The following FAXC variants were observed in gnomAD, a reference collection of about 807,000 sequenced individuals.
The protein encoded by FAXC is failed axon connections homolog.
FAXC carries 10 observed loss-of-function variants against 41.9 expected under a neutral mutation model. The observed-to-expected ratio is 0.24, with a 90% confidence interval of 0.15 to 0.41. FAXC has a LOEUF of 0.41. FAXC is among the 10% of genes least tolerant of loss of function. FAXC has a pLI of 1.00. For synonymous variants in FAXC, 183 were observed against 183.8 expected (o/e 1.00, Z 0.03); for missense variants, 399 against 510.9 (o/e 0.78, Z 2.11).
chr6:99,330,801 C>T (rs1162880470), intron 3 of FAXC, among the ~76,000 whole-genome samples: 1 of 152,188 alleles, frequency 6.6e-6, no homozygotes, highest in Non-Finnish European at 1.5e-5. Context: ...TATTTTCCTA[C>T]AAATTTTGGT....
intron 1 of FAXC, among the ~76,000 whole-genome samples, chr6:99,344,899 G>A (rs1302933642): frequency 6.6e-6 from 1 of 152,166 alleles, no homozygotes; most frequent in African/African-American, 2.4e-5. Context: ...CCATGTCATG[G>A]TAAGAATGGA....
In FAXC at chr6:99,271,863, A is replaced by G. The variant is rs761974311; in HGVS notation, c.*9301T>C. 1.3e-5 allele frequency: 2 copies of G among 152,200 alleles called. No individual in the cohort carries two copies. The highest frequency in any genetic ancestry group is 2.9e-5 in the Non-Finnish European group (2 of 68,030). 9.4% of individuals were successfully genotyped at this position (152,200 alleles called of 1,614,324 possible). On this transcript the variant is annotated 3_prime_UTR_variant, in exon 6 of 6. Coordinates refer to ENST00000389677, the MANE Select transcript of FAXC (RefSeq NM_032511.4). Reference sequence around the variant, plus strand: ...TATTATTTGACCAAAGATTTGGTCAAATTTTAAGATAGAATTTGAAACATC... The same window carrying G: ...TATTATTTGACCAAAGATTTGGTCAGATTTTAAGATAGAATTTGAAACATC...
intron 4 of FAXC, among the ~76,000 whole-genome samples, chr6:99,308,229 G>A (rs9986345): frequency 0.032 from 4,817 of 152,266 alleles, 259 homozygotes; most frequent in African/African-American, 0.11. Context: ...CCTGGGAGGC[G>A]GAGATTGCAG....
intron 5 of FAXC, 56 bp from the exon 6 acceptor site, chr6:99,281,509 T>C: frequency 7.3e-7 from 1 of 1,366,918 alleles, no homozygotes; most frequent in Admixed American, 1.8e-5. Flanking sequence ...GTCTACCACT[T>C]CTATGGTCTG....
At chr6:99,291,646 C>T (rs1227082909) in intron 5 of FAXC, 58 bp downstream of exon 5, 2 of 1,223,338 alleles carry the variant, frequency 1.6e-6, no homozygotes, top group Non-Finnish European at 2.4e-6. Context: ...ACTGTGCTAC[C>T]CCACTGCCCA....
At chr6:99,300,974 C>T (rs552990439) in intron 4 of FAXC, among the ~76,000 whole-genome samples, 1 of 152,248 alleles carries the variant, frequency 6.6e-6, no homozygotes, top group Non-Finnish European at 1.5e-5. Flanking sequence ...ACTCTGCAGG[C>T]AGACTCCACA....
At chr6:99,303,674 G>T (rs140680376) in intron 4 of FAXC, among the ~76,000 whole-genome samples, 1 of 152,250 alleles carries the variant, frequency 6.6e-6, no homozygotes, top group Non-Finnish European at 1.5e-5. Flanking sequence ...CAACAACATG[G>T]GAGAGCTATA....
chr6:99,297,966 T>C (rs1030758804), intron 4 of FAXC, among the ~76,000 whole-genome samples: 2 of 152,116 alleles, frequency 1.3e-5, no homozygotes, highest in African/African-American at 4.8e-5. Flanking sequence ...AGCACCTGAG[T>C]GTTAGTTAGA....
intron 1 of FAXC, among the ~76,000 whole-genome samples, chr6:99,344,661 C>T (rs1317155865): frequency 6.6e-6 from 1 of 152,068 alleles, no homozygotes; most frequent in Non-Finnish European, 1.5e-5. Flanking sequence ...ATGGAATGTT[C>T]GAGAAGTCAG....
chr6:99,285,240 A>G (rs963843825), intron 5 of FAXC, among the ~76,000 whole-genome samples: 2 of 152,230 alleles, frequency 1.3e-5, no homozygotes, highest in African/African-American at 4.8e-5. Flanking sequence ...ATGTAAAGAT[A>G]TATGTACATG....
At chr6:99,296,084 T>C (rs966700418) in intron 4 of FAXC, among the ~76,000 whole-genome samples, 2 of 152,232 alleles carry the variant, frequency 1.3e-5, no homozygotes, top group African/African-American at 2.4e-5. Context: ...TTTTATTCTA[T>C]AGGTTATAAT....
Position 99,333,553 on chromosome 6 carries a change from C to A in FAXC, c.403-6G>T. ...AGTTTTCCACCAAAATAGTTCTAAG[C>A]AGAGTACATTTTTAAAAAGAGAAAA... On this transcript the variant is annotated splice_region_variant and splice_polypyrimidine_tract_variant and intron_variant, in intron 2 of 5. Transcript: ENST00000389677. The A allele has an allele frequency of 6.3e-7, 1 of 1,581,584 alleles. No individual in the cohort carries two copies. The highest frequency in any genetic ancestry group is 2.2e-5 in the East Asian group (1 of 44,720).
chr6:99,277,634 G>A lies in FAXC; in HGVS notation c.*3530C>T, dbSNP rs1409024243. ...AGGCTGACAGGACATGGACAAAAGC[G>A]AAGTAGGATTCCAACCAGGGAATGG... On this transcript the variant is annotated 3_prime_UTR_variant, in exon 6 of 6. Transcript: ENST00000389677. 4 of 152,246 alleles carry A rather than the reference G, an allele frequency of 2.6e-5. No individual in the cohort carries two copies. The highest frequency in any genetic ancestry group is 1.9e-4 in the East Asian group (1 of 5,188). The allele number at this position is 152,246 out of a possible 1,614,324, so 9.4% of individuals were successfully genotyped here.
intron 4 of FAXC, among the ~76,000 whole-genome samples, chr6:99,308,610 CAA>C (rs200816136): frequency 8.6e-5 from 8 of 92,488 alleles, no homozygotes; most frequent in Admixed American, 1.2e-4. Flanking sequence ...ATCTATAATT[CAA>C]AAAAAAAAAA....
intron 4 of FAXC, among the ~76,000 whole-genome samples, chr6:99,294,719 CTT>C (rs1370717313): frequency 3.3e-5 from 5 of 152,070 alleles, no homozygotes; most frequent in Non-Finnish European, 7.4e-5. Context: ...ATTTTGAAGT[CTT>C]GTAGAATCCA....
In FAXC at chr6:99,333,380, C is replaced by T. The variant is rs753175647; in HGVS notation, c.570G>A (p.Val190=). The T allele has an allele frequency of 6.2e-7, 1 of 1,613,372 alleles. No homozygotes were observed. The highest frequency in any genetic ancestry group is 2.2e-5 in the East Asian group (1 of 44,874). Residue 190 remains valine, a synonymous_variant, in exon 3 of 6, where the codon GTG becomes GTA. Coordinates refer to ENST00000389677, the MANE Select transcript of FAXC (RefSeq NM_032511.4). ...GPHERAISRA[V]TKMVEEHFYW... ...AGAAGTGCTCCTCCACCATCTTGGT[C>T]ACCGCTCTGGAGATGGCTCTTTCAT...
intron 5 of FAXC, among the ~76,000 whole-genome samples, chr6:99,282,801 A>G (rs1227657477): frequency 6.6e-6 from 1 of 152,248 alleles, no homozygotes; most frequent in Non-Finnish European, 1.5e-5. Flanking sequence ...AGAAAATTAG[A>G]AAAAACAGAT....
chr6:99,341,156 C>T (rs1156829497), intron 2 of FAXC, among the ~76,000 whole-genome samples: 1 of 151,348 alleles, frequency 6.6e-6, no homozygotes, highest in South Asian at 2.1e-4. Flanking sequence ...AGAGTAACTA[C>T]AATAACAACA....
In FAXC at chr6:99,349,529, A is replaced by AGAGGAGGAGGAG. The variant is rs59271412; in HGVS notation, c.-169_-158dup. 2 of 300,114 alleles carry AGAGGAGGAGGAG rather than the reference A, an allele frequency of 6.7e-6. No individual in the cohort carries two copies. The highest frequency in any genetic ancestry group is 1.8e-4 in the East Asian group (1 of 5,482). 18.6% of individuals were successfully genotyped at this position (300,114 alleles called of 1,614,324 possible). ...CGGCGGCGACTGAGGAGGCGGCGGC[A>AGAGGAGGAGGAG]GAGGAGGAGGAGGAGGAAGGGCACT... On this transcript the variant is annotated 5_prime_UTR_variant, in exon 1 of 6. Coordinates refer to ENST00000389677, the MANE Select transcript of FAXC (RefSeq NM_032511.4).
Sources: allele counts gnomAD v4.1 joint callset (sites outside exome capture counted in the v4.1 genomes callset), GRCh38; gene constraint gnomAD v4.1.1; transcripts MANE v1.5; gene names NCBI Gene and HGNC (gene_info 2026-07-23, HGNC 2026-07-21).